The following HORMAD2 variants were observed in gnomAD, a reference collection of about 807,000 sequenced individuals.
HORMAD2 encodes the protein HORMA domain containing 2.
In HORMAD2, 45 loss-of-function variants were observed where a neutral mutation model predicts 38.8. That is an observed-to-expected ratio of 1.16 (90% CI 0.91 to 1.49). HORMAD2 has a LOEUF of 1.49. HORMAD2 is among the 40% of genes most tolerant of loss of function. The pLI is 0.00. For missense variants in HORMAD2, 338 were observed against 367.0 expected (o/e 0.92, Z 0.65); for synonymous variants, 126 against 122.8 (o/e 1.03, Z -0.17).
intron 10 of HORMAD2, among the ~76,000 whole-genome samples, chr22:30,156,451 TAAAA>T (rs890739030): frequency 1.3e-4 from 20 of 152,120 alleles, no homozygotes; most frequent in African/African-American, 4.6e-4. Flanking sequence ...AACAACCAGA[TAAAA>T]AAAGAAAGAT....
At chr22:30,112,594 G>A (rs544466915) in intron 7 of HORMAD2, 72 bp downstream of exon 7, 31 of 614,646 alleles carry the variant, frequency 5.0e-5, no homozygotes, top group African/African-American at 4.3e-4. Context: ...TCTGAGTTGA[G>A]GCTATAGATT....
chr22:30,134,718 T>A (rs921301592), intron 10 of HORMAD2, among the ~76,000 whole-genome samples: 1 of 151,874 alleles, frequency 6.6e-6, no homozygotes, highest in African/African-American at 2.4e-5. Flanking sequence ...AAAGTTCTAC[T>A]ATATTCTAAT....
chr22:30,193,064 A>T, the HORMAD2 span, among the ~76,000 whole-genome samples: 2 of 152,244 alleles, frequency 1.3e-5, no homozygotes, highest in Non-Finnish European at 2.9e-5. Context: ...CTAAAATGAT[A>T]GACCGAAAAA....
At chr22:30,206,365 G>T in the HORMAD2 span, among the ~76,000 whole-genome samples, 1 of 152,142 alleles carries the variant, frequency 6.6e-6, no homozygotes, top group South Asian at 2.1e-4. Context: ...TCACCATGTT[G>T]GCCAGGCTGG....
chr22:30,194,161 C>T, the HORMAD2 span, among the ~76,000 whole-genome samples: 2 of 152,182 alleles, frequency 1.3e-5, no homozygotes, highest in Admixed American at 6.5e-5. Flanking sequence ...CTAACTATTA[C>T]AGAAACAAAG....
At chr22:30,192,240 A>G in the HORMAD2 span, 1 of 152,324 alleles carries the variant, frequency 6.6e-6, no homozygotes, top group African/African-American at 2.4e-5. Flanking sequence ...CCTGAAGAGG[A>G]ATAGGGTTAA....
At chr22:30,172,937 G>A (rs765570165) in intron 10 of HORMAD2, among the ~76,000 whole-genome samples, 1 of 151,986 alleles carries the variant, frequency 6.6e-6, no homozygotes, top group Non-Finnish European at 1.5e-5. Flanking sequence ...CTGTGGATGG[G>A]AAGACTAGTA....
chr22:30,200,765 T>TATTATTA, the HORMAD2 span, among the ~76,000 whole-genome samples: 1 of 149,668 alleles, frequency 6.7e-6, no homozygotes, highest in Admixed American at 6.7e-5. Context: ...TTATTATTAT[T>TATTATTA]TTGAGACGGA....
intron 10 of HORMAD2, among the ~76,000 whole-genome samples, chr22:30,149,491 C>G (rs768592920): frequency 1.7e-4 from 26 of 152,194 alleles, no homozygotes; most frequent in Non-Finnish European, 3.2e-4. Flanking sequence ...CAATACTGGT[C>G]TAGATTGCCT....
chr22:30,196,062 T>C, the HORMAD2 span, among the ~76,000 whole-genome samples: 1 of 152,230 alleles, frequency 6.6e-6, no homozygotes, highest in Non-Finnish European at 1.5e-5. Flanking sequence ...TGTCAAATAT[T>C]GTTCACTCGC....
intron 10 of HORMAD2, among the ~76,000 whole-genome samples, chr22:30,126,356 A>T (rs1403459456): frequency 6.6e-6 from 1 of 152,038 alleles, no homozygotes; most frequent in East Asian, 1.9e-4. Flanking sequence ...TTTGGTAGAG[A>T]TGGGGTTTCA....
downstream of HORMAD2, among the ~76,000 whole-genome samples, chr22:30,181,692 G>A (rs574798328): frequency 6.6e-6 from 1 of 152,212 alleles, no homozygotes; most frequent in Non-Finnish European, 1.5e-5. Flanking sequence ...GACACATTCT[G>A]TGTTGTTCCA....
At chr22:30,107,223 A>G (rs7286551) in intron 5 of HORMAD2, among the ~76,000 whole-genome samples, 23,525 of 152,220 alleles carry the variant, frequency 0.15, 1,906 homozygotes, top group South Asian at 0.26. Context: ...TACATGTACT[A>G]AAATAGCAGT....
rs1026977794 is a variant in HORMAD2 at position 30,167,972 on chromosome 22, A to G, written c.820-8091A>G. Among the ~76,000 whole-genome samples the G allele has an allele frequency of 2.4e-4, 37 of 152,296 alleles. 1 individual carries two copies. Among genetic ancestry groups the G allele is most frequent in the African/African-American group, 8.4e-4 (35 of 41,568 alleles). ...AAGAGGAATAACCACTCCCCCTCCC[A>G]TCACACACAGTTATTGTGAGGAATA... On this transcript the variant is annotated intron_variant, in intron 10 of 10. Transcript: ENST00000336726.
intron 10 of HORMAD2, among the ~76,000 whole-genome samples, chr22:30,166,272 T>C (rs1329724413): frequency 6.6e-6 from 1 of 152,288 alleles, no homozygotes; most frequent in East Asian, 1.9e-4. Context: ...AGAAATTTTC[T>C]ATTTACTTGT....
intron 7 of HORMAD2, among the ~76,000 whole-genome samples, chr22:30,116,154 C>T (rs1465722875): frequency 6.6e-6 from 1 of 151,986 alleles, no homozygotes; most frequent in Non-Finnish European, 1.5e-5. Flanking sequence ...GGCCCTAAGA[C>T]AGGAAGGAAT....
chr22:30,165,578 A>G (rs1331250680), intron 10 of HORMAD2, among the ~76,000 whole-genome samples: 1 of 152,120 alleles, frequency 6.6e-6, no homozygotes, highest in Admixed American at 6.5e-5. Context: ...TACATTTTAT[A>G]TGTTGCTTAA....
chr22:30,194,959 G>A, the HORMAD2 span, among the ~76,000 whole-genome samples: 38 of 152,170 alleles, frequency 2.5e-4, no homozygotes, highest in African/African-American at 7.9e-4. Flanking sequence ...TTGGGAGGCC[G>A]AGGCGGGTGG....
At chr22:30,119,545 G>A (rs951108245) in intron 8 of HORMAD2, among the ~76,000 whole-genome samples, 3 of 152,130 alleles carry the variant, frequency 2.0e-5, no homozygotes, top group Admixed American at 6.6e-5. Context: ...TTATGAAGTC[G>A]AAAATTCCAA....
Sources: allele counts gnomAD v4.1 joint callset (sites outside exome capture counted in the v4.1 genomes callset), GRCh38; gene constraint gnomAD v4.1.1; transcripts MANE v1.5; gene names NCBI Gene and HGNC (gene_info 2026-07-23, HGNC 2026-07-21).